The following PCDHGA11 variants were observed in gnomAD, a reference collection of about 807,000 sequenced individuals.
PCDHGA11 encodes the protein protocadherin gamma subfamily A, 11.
A neutral mutation model predicts 60.4 loss-of-function variants in PCDHGA11; 39 were observed. The observed-to-expected ratio is 0.65, with a 90% confidence interval of 0.50 to 0.84. PCDHGA11 has a LOEUF of 0.84. Among genes scored for constraint, PCDHGA11 ranks in the 40% least tolerant of loss-of-function variants. The pLI, the probability that PCDHGA11 is intolerant of heterozygous loss-of-function variation, is 0.00. For missense variants in PCDHGA11, 1,165 were observed against 1,197.7 expected (o/e 0.97, Z 0.40); for synonymous variants, 533 against 510.3 (o/e 1.04, Z -0.60).
In PCDHGA11 at chr5:141,461,830, C is replaced by CT. The variant is rs1030113508; in HGVS notation, c.2434-32967dup. On this transcript the variant is annotated intron_variant, in intron 1 of 3. Transcript: ENST00000398587. Reference sequence around the variant, plus strand: ...CACCACACCCAGCTAATTTTTTTTTCTTTTTTTTTTGAGACAGAGTTTTGC... The same window carrying CT: ...CACCACACCCAGCTAATTTTTTTTTCTTTTTTTTTTTGAGACAGAGTTTTGC... Among the ~76,000 whole-genome samples, 192 of 145,246 alleles carry CT rather than the reference C, an allele frequency of 1.3e-3. 1 individual carries two copies. In the Middle Eastern group the frequency reaches 0.022, roughly 16 times the overall value.
chr5:141,446,469 T>C (rs538381725), intron 1 of PCDHGA11, among the ~76,000 whole-genome samples: 2 of 149,740 alleles, frequency 1.3e-5, no homozygotes, highest in South Asian at 4.2e-4. Flanking sequence ...TGATTAGACA[T>C]ATGGTCATCA....
intron 1 of PCDHGA11, among the ~76,000 whole-genome samples, chr5:141,446,022 T>C (rs2098484874): frequency 1.3e-5 from 2 of 152,198 alleles, no homozygotes; most frequent in Admixed American, 1.3e-4. Flanking sequence ...TATGGCAATA[T>C]TCCTGGTAAG....
rs1419859253 is a variant in PCDHGA11, at chr5:141,423,362, T to G, written c.2135T>G (p.Leu712Arg). 1 of 1,614,112 alleles carries G rather than the reference T, an allele frequency of 6.2e-7. No homozygotes were observed. Among genetic ancestry groups the G allele is most frequent in the African/African-American group, 1.3e-5 (1 of 74,948 alleles). ...SCIFLVFVIV[L>R]LALRLWRWHK... ...ATCTTCCTGGTCTTTGTCATCGTGCTGCTGGCACTCAGGCTGTGGCGCTGG... is the reference window on the plus strand; with the variant it reads ...ATCTTCCTGGTCTTTGTCATCGTGCGGCTGGCACTCAGGCTGTGGCGCTGG... The change falls in exon 1 of 4, where the codon CTG (leucine) becomes CGG (arginine). Residue 712 changes from leucine to arginine, a missense_variant. Coordinates refer to ENST00000398587, the MANE Select transcript of PCDHGA11 (RefSeq NM_018914.3).
Position 141,485,291 on chromosome 5 carries a change from CAGGA to C in PCDHGA11, c.2434-9512_2434-9509del. ...CCGCTACCCGGTCCCAGAGGAGTCA[CAGGA>C]AGGGACTTTTGTAGGGAATGTCGCT... On this transcript the variant is annotated intron_variant, in intron 1 of 3. Transcript: ENST00000398587. The surrounding 1 kb of genome is among the most constrained non-coding windows in gnomAD (Gnocchi z 5.7). 1 of 1,614,152 alleles carries C rather than the reference CAGGA, an allele frequency of 6.2e-7. No individual in the cohort carries two copies. Among genetic ancestry groups the C allele is most frequent in the Non-Finnish European group, 8.5e-7 (1 of 1,179,992 alleles).
chr5:141,461,286 C>T (rs2099012487), intron 1 of PCDHGA11, among the ~76,000 whole-genome samples: 1 of 152,144 alleles, frequency 6.6e-6, no homozygotes, highest in Admixed American at 6.6e-5. Context: ...TTCCCCACAT[C>T]CACACCAACA....
At chr5:141,510,322 A>G (rs62379243) in intron 3 of PCDHGA11, among the ~76,000 whole-genome samples, 36,300 of 150,290 alleles carry the variant, frequency 0.24, 4,456 homozygotes, top group Admixed American at 0.32. Flanking sequence ...TTGGAAGAGC[A>G]CTCTTCACCC....
chr5:141,455,140 A>G (rs1465733732), intron 1 of PCDHGA11, among the ~76,000 whole-genome samples: 1 of 150,512 alleles, frequency 6.6e-6, no homozygotes, highest in Non-Finnish European at 1.5e-5. Context: ...ACACTGTGTT[A>G]AATAAATATT....
At chr5:141,450,599 G>T (rs569531886) in intron 1 of PCDHGA11, among the ~76,000 whole-genome samples, 11 of 150,286 alleles carry the variant, frequency 7.3e-5, no homozygotes, top group African/African-American at 2.7e-4. Flanking sequence ...CAATTCTCCT[G>T]CCTCAGCCTC....
chr5:141,443,650 CA>C (rs2098397782), intron 1 of PCDHGA11, among the ~76,000 whole-genome samples: 1 of 152,150 alleles, frequency 6.6e-6, no homozygotes. Flanking sequence ...ATAATGTTAG[CA>C]TAGCATTTTA....
Position 141,423,433 on chromosome 5 carries a change from A to G in PCDHGA11, c.2206A>G (p.Met736Val), listed in dbSNP as rs746170494. ...LQASEGGLAG[M>V]PTSHFVGVDG... ...GGCTTCTGAAGGCGGGTTGGCAGGT[A>G]TGCCCACGTCACATTTTGTAGGCGT... The change falls in exon 1 of 4, where the codon ATG becomes GTG. Residue 736 changes from methionine to valine, a missense_variant. By Grantham distance (21) the Met-to-Val change is conservative (BLOSUM62 1). Coordinates refer to ENST00000398587, the MANE Select transcript of PCDHGA11 (RefSeq NM_018914.3). 3.1e-6 allele frequency: 5 copies of G among 1,614,010 alleles called. No homozygotes were observed. The East Asian group carries it at 8.9e-5, about 29-fold the overall frequency.
Position 141,432,757 on chromosome 5 carries a change from C to T in PCDHGA11, c.2433+9097C>T. On this transcript the variant is annotated intron_variant, in intron 1 of 3. Coordinates refer to ENST00000398587, the MANE Select transcript of PCDHGA11 (RefSeq NM_018914.3). This position sits in a 1 kb window ranked among gnomAD's most constrained non-coding sequence, Gnocchi z 6.0. ...TCACGCTCACCGTGGCCGTGGCCGA[C>T]AGCATCCCCCAAGTCCTGGCGGACC... is the stretch of plus-strand genomic sequence containing the variant. 1.2e-6 allele frequency: 2 copies of T among 1,614,150 alleles called. No individual in the cohort carries two copies. Among genetic ancestry groups the T allele is most frequent in the African/African-American group, 1.3e-5 (1 of 75,076 alleles).
At chr5:141,451,807 G>A (rs896081470) in intron 1 of PCDHGA11, among the ~76,000 whole-genome samples, 5 of 150,778 alleles carry the variant, frequency 3.3e-5, no homozygotes, top group African/African-American at 1.2e-4. Flanking sequence ...CTTGAACCCA[G>A]GAGGCGGAGG....
Position 141,485,281 on chromosome 5 carries a change from A to G in PCDHGA11, c.2434-9526A>G. 4 of 1,614,156 alleles carry G rather than the reference A, an allele frequency of 2.5e-6. No individual in the cohort carries two copies. In the South Asian group the frequency reaches 3.3e-5, roughly 13 times the overall value. Reference sequence around the variant, plus strand: ...GTGGGCAGATCCGCTACCCGGTCCCAGAGGAGTCACAGGAAGGGACTTTTG... The same window carrying G: ...GTGGGCAGATCCGCTACCCGGTCCCGGAGGAGTCACAGGAAGGGACTTTTG... On this transcript the variant is annotated intron_variant, in intron 1 of 3. Coordinates refer to ENST00000398587, the MANE Select transcript of PCDHGA11 (RefSeq NM_018914.3). The surrounding 1 kb of genome is among the most constrained non-coding windows in gnomAD (Gnocchi z 5.7).
Position 141,491,009 on chromosome 5 carries a change from C to A in PCDHGA11, c.2434-3798C>A. On this transcript the variant is annotated intron_variant, in intron 1 of 3. Transcript: ENST00000398587. This position sits in a 1 kb window ranked among gnomAD's most constrained non-coding sequence, Gnocchi z 6.9. ...TCTGCTCCTCCTGGCTCCTTGGTCA[C>A]CAAGGTGACAGCCGTGGATGCTGAT... 4 of 1,614,140 alleles carry A rather than the reference C, an allele frequency of 2.5e-6. No homozygotes were observed. Among genetic ancestry groups the A allele is most frequent in the Non-Finnish European group, 3.4e-6 (4 of 1,180,038 alleles).
chr5:141,428,114 C>T (rs2097111703), intron 1 of PCDHGA11: 1 of 1,607,084 alleles, frequency 6.2e-7, no homozygotes, highest in Admixed American at 1.7e-5. Context: ...TGCAGGCCAT[C>T]GAGCCCGGGC....
rs780380650 is a variant in PCDHGA11 at position 141,432,715 on chromosome 5, C to G, written c.2433+9055C>G. 2.5e-6 allele frequency: 4 copies of G among 1,613,996 alleles called. No homozygotes were observed. Among genetic ancestry groups the G allele is most frequent in the Non-Finnish European group, 3.4e-6 (4 of 1,179,970 alleles). On this transcript the variant is annotated intron_variant, in intron 1 of 3. Transcript: ENST00000398587. The surrounding 1 kb of genome is among the most constrained non-coding windows in gnomAD (Gnocchi z 6.0). ...TGGCCGTCCAGGACCACGGCCAGCC[C>G]CCTCTCTCCGCCACTGTCACGCTCA... is the stretch of plus-strand genomic sequence containing the variant.
rs543209695 is a variant in PCDHGA11, at chr5:141,431,563, C to A, written c.2433+7903C>A. The stretch of plus-strand genomic sequence containing the variant: ...AGCTGCTTGTAGTCAACGCTACCGA[C>A]CCTGACGAAGGAGTCAATGCGGAAG... On this transcript the variant is annotated intron_variant, in intron 1 of 3. Coordinates refer to ENST00000398587, the MANE Select transcript of PCDHGA11 (RefSeq NM_018914.3). The surrounding 1 kb of genome is among the most constrained non-coding windows in gnomAD (Gnocchi z 4.8). 1.2e-6 allele frequency: 2 copies of A among 1,614,144 alleles called. No individual in the cohort carries two copies. The highest frequency in any genetic ancestry group is 2.7e-5 in the African/African-American group (2 of 75,072).
At chr5:141,488,797 T>G (rs1451050520) in intron 1 of PCDHGA11, among the ~76,000 whole-genome samples, 6 of 152,158 alleles carry the variant, frequency 3.9e-5, no homozygotes, top group Non-Finnish European at 8.8e-5. Context: ...TCTTCCCTGT[T>G]GAGTACCATC....
At chr5:141,442,754 T>C (rs2098341364) in intron 1 of PCDHGA11, among the ~76,000 whole-genome samples, 1 of 152,220 alleles carries the variant, frequency 6.6e-6, no homozygotes, top group Non-Finnish European at 1.5e-5. Flanking sequence ...GTTTTGATTA[T>C]ATATATTTGT....
Sources: allele counts gnomAD v4.1 joint callset (sites outside exome capture counted in the v4.1 genomes callset), GRCh38; gene constraint gnomAD v4.1.1; non-coding constraint Gnocchi (gnomAD v3.1); transcripts MANE v1.5; gene names NCBI Gene and HGNC (gene_info 2026-07-23, HGNC 2026-07-21).